AGMO: variants seen among roughly 807,000 people sequenced by gnomAD.
AGMO encodes glyceryl-ether monooxygenase.
In AGMO, 75 loss-of-function variants were observed where a neutral mutation model predicts 60.2. That is an observed-to-expected ratio of 1.25 (90% CI 1.03 to 1.51). The LOEUF (loss-of-function observed/expected upper bound fraction) is 1.51, where lower values mean the gene tolerates loss of function less well. Among genes scored for constraint, AGMO ranks in the 40% most tolerant of loss-of-function variants. The pLI, the probability that AGMO is intolerant of heterozygous loss-of-function variation, is 0.00. For synonymous variants in AGMO, 261 were observed against 177.1 expected (o/e 1.47, Z -3.76); for missense variants, 763 against 525.5 (o/e 1.45, Z -4.42).
At chr7:15,308,665 C>T (rs1387017115) in intron 12 of AGMO, among the ~76,000 whole-genome samples, 2 of 152,122 alleles carry the variant, frequency 1.3e-5, no homozygotes, top group Non-Finnish European at 2.9e-5. Context: ...CCACTTAAAA[C>T]TTTTCTGTAA....
chr7:15,180,122 A>C, the AGMO span, among the ~76,000 whole-genome samples: 4 of 152,140 alleles, frequency 2.6e-5, no homozygotes, highest in Non-Finnish European at 5.9e-5. Context: ...GCCCCCTTCT[A>C]TCCACAGTAA....
chr7:15,125,784 A>T, the AGMO span, among the ~76,000 whole-genome samples: 1 of 152,100 alleles, frequency 6.6e-6, no homozygotes, highest in Non-Finnish European at 1.5e-5. Flanking sequence ...AACAAGCAAA[A>T]ATTAAATAGA....
chr7:15,508,764 AG>A (rs1017907459), intron 3 of AGMO, among the ~76,000 whole-genome samples: 2 of 151,940 alleles, frequency 1.3e-5, no homozygotes, highest in East Asian at 3.9e-4. Flanking sequence ...ACATTTAGAG[AG>A]GGGAAAAAAA....
At chr7:15,553,521 C>G (rs1034084091) in intron 2 of AGMO, among the ~76,000 whole-genome samples, 6 of 151,832 alleles carry the variant, frequency 4.0e-5, no homozygotes, top group African/African-American at 1.2e-4. Context: ...AGGCACAGCA[C>G]AAGACACAAG....
chr7:15,475,196 A>G (rs189212858), intron 3 of AGMO, among the ~76,000 whole-genome samples: 1 of 152,288 alleles, frequency 6.6e-6, no homozygotes, highest in Admixed American at 6.5e-5. Context: ...TACTGGTTAT[A>G]TACCCAAAGG....
intron 12 of AGMO, among the ~76,000 whole-genome samples, chr7:15,225,548 T>A (rs978550706): frequency 2.0e-5 from 3 of 151,962 alleles, no homozygotes; most frequent in African/African-American, 7.2e-5. Context: ...GTACATCTCA[T>A]TACACCTACA....
chr7:15,288,431 T>C (rs902431416), intron 12 of AGMO, among the ~76,000 whole-genome samples: 1 of 152,194 alleles, frequency 6.6e-6, no homozygotes, highest in Non-Finnish European at 1.5e-5. Context: ...CATTTCTTCC[T>C]GATAACTTAT....
At chr7:15,385,377 A>G in intron 10 of AGMO, 69 bp downstream of exon 10, 1 of 1,039,758 alleles carries the variant, frequency 9.6e-7, no homozygotes. Context: ...TAATATGGGG[A>G]GCTTATTTTC....
intron 12 of AGMO, among the ~76,000 whole-genome samples, chr7:15,325,578 CACATCAGGCCTTTAAAATATA>C (rs1474036194): frequency 6.6e-6 from 1 of 152,040 alleles, no homozygotes; most frequent in African/African-American, 2.4e-5. Context: ...ATTTCAACAG[CACATCAGGCCTTTAAAATATA>C]AACAATCAAA....
Position 15,351,717 on chromosome 7 carries a change from A to G in AGMO, c.1263+13797T>C, listed in dbSNP as rs1782249789. ...GCTACTACATTTTAAGTGGACACAT[A>G]AATAAAAATAAATTTATAGCAGCTT... is the stretch of plus-strand genomic sequence containing the variant. On this transcript the variant is annotated intron_variant, in intron 12 of 12. Transcript: ENST00000342526. Among the ~76,000 whole-genome samples, 5 of 152,230 alleles carry G rather than the reference A, an allele frequency of 3.3e-5. No homozygotes were observed. In the South Asian group the frequency reaches 1.0e-3, roughly 31 times the overall value.
At chr7:15,473,957 A>G (rs1782521542) in intron 3 of AGMO, among the ~76,000 whole-genome samples, 1 of 152,096 alleles carries the variant, frequency 6.6e-6, no homozygotes, top group Non-Finnish European at 1.5e-5. Flanking sequence ...CACAATTGTT[A>G]CAAAGAGAAG....
At chr7:15,300,589 C>G (rs1784537717) in intron 12 of AGMO, among the ~76,000 whole-genome samples, 1 of 152,112 alleles carries the variant, frequency 6.6e-6, no homozygotes, top group Non-Finnish European at 1.5e-5. Flanking sequence ...CAAAAGAAAG[C>G]AGCAATTTTT....
the AGMO span, among the ~76,000 whole-genome samples, chr7:15,145,364 T>G: frequency 6.6e-6 from 1 of 152,124 alleles, no homozygotes; most frequent in Non-Finnish European, 1.5e-5. Context: ...ATATTTAAAA[T>G]AAATGAAAAT....
At chr7:15,418,840 G>C (rs1438932521) in intron 4 of AGMO, among the ~76,000 whole-genome samples, 187 bp from the exon 5 acceptor site, 2 of 151,734 alleles carry the variant, frequency 1.3e-5, no homozygotes, top group Admixed American at 6.6e-5. Flanking sequence ...AGACATGTTG[G>C]AGCTAAGGCC....
chr7:15,387,270 T>G (rs150377023), intron 9 of AGMO, 136 bp downstream of exon 9: 2 of 971,462 alleles, frequency 2.1e-6, no homozygotes, highest in Non-Finnish European at 3.0e-6. Context: ...AAGTAAGTTA[T>G]GCACCACAGG....
chr7:15,424,172 C>G (rs1780998165), intron 4 of AGMO, among the ~76,000 whole-genome samples: 1 of 152,034 alleles, frequency 6.6e-6, no homozygotes, highest in Non-Finnish European at 1.5e-5. Context: ...ACACTTCTCT[C>G]TAAAACCTTC....
intron 12 of AGMO, among the ~76,000 whole-genome samples, chr7:15,215,381 T>C (rs1781707279): frequency 6.6e-6 from 1 of 152,032 alleles, no homozygotes; most frequent in Non-Finnish European, 1.5e-5. Flanking sequence ...TTTTCTTTAC[T>C]GTGATGAAGT....
chr7:15,228,680 T>TA (rs1388685071), intron 12 of AGMO, among the ~76,000 whole-genome samples: 1 of 152,132 alleles, frequency 6.6e-6, no homozygotes, highest in Non-Finnish European at 1.5e-5. Context: ...AATGATCACT[T>TA]AAAAAATGAT....
chr7:15,202,894 C>T (rs560861037), intron 12 of AGMO, among the ~76,000 whole-genome samples: 16 of 152,032 alleles, frequency 1.1e-4, no homozygotes, highest in African/African-American at 3.9e-4. Context: ...TTGCATTTGT[C>T]CATGAAAATG....
Sources: gnomAD v4.1 joint callset for allele counts (sites outside exome capture counted in the v4.1 genomes callset) on GRCh38, gnomAD v4.1.1 for gene constraint, MANE v1.5 for transcripts, NCBI Gene and HGNC (gene_info 2026-07-23, HGNC 2026-07-21) for gene names.